Variants in RBM44 observed in about 807,000 individuals in gnomAD.
RBM44 encodes RNA binding motif protein 44.
A neutral mutation model predicts 105.1 loss-of-function variants in RBM44; 66 were observed. The observed-to-expected ratio is 0.63, with a 90% CI of 0.52 to 0.77. RBM44 has a LOEUF of 0.77. Ranked by LOEUF, RBM44 falls within the 30% of genes least tolerant of loss-of-function variation. RBM44 has a pLI of 0.00. For synonymous variants in RBM44, 365 were observed against 417.6 expected, an observed-to-expected ratio of 0.87 and a Z score of 1.54; for missense variants, 1,122 against 1,207.8, an observed-to-expected ratio of 0.93 and a Z score of 1.05.
Position 237,817,268 on chromosome 2 carries a change from T to A in RBM44, c.349T>A (p.Ser117Thr), listed in dbSNP as rs769322316. Residue 117 changes from serine (S) to threonine (T), a missense_variant, in exon 3 of 16, where the codon TCA (serine) becomes ACA (threonine). Ser to Thr is a moderately conservative substitution (Grantham distance 58). This residue lies in a region of RBM44 where 918 missense variants were observed against 955.3 expected (regional missense o/e 0.96). Transcript: ENST00000316997. Reference protein sequence around the residue: ...FLNKTYSIPYSESKLKKESLT... With the variant: ...FLNKTYSIPYTESKLKKESLT... Reference sequence around the variant, plus strand: ...GAATAAAACATATTCTATACCTTATTCAGAGTCAAAACTAAAGAAGGAAAG... The same window carrying A: ...GAATAAAACATATTCTATACCTTATACAGAGTCAAAACTAAAGAAGGAAAG... 1 of 1,608,346 alleles carries A rather than the reference T, an allele frequency of 6.2e-7. No individual in the cohort carries two copies. Among genetic ancestry groups the A allele is most frequent in the African/African-American group, 1.3e-5 (1 of 74,564 alleles).
At chr2:237,811,380 C>T (rs1173389498) in intron 1 of RBM44, among the ~76,000 whole-genome samples, 2 of 152,104 alleles carry the variant, frequency 1.3e-5, no homozygotes, top group Non-Finnish European at 2.9e-5. Context: ...GTGATCGTCT[C>T]ACCCCAACCT....
At chr2:237,815,293 A>G (rs984129527) in intron 2 of RBM44, among the ~76,000 whole-genome samples, 3 of 152,198 alleles carry the variant, frequency 2.0e-5, no homozygotes, top group Non-Finnish European at 4.4e-5. Flanking sequence ...CATATTTATA[A>G]CAGCTTACTG....
Position 237,817,031 on chromosome 2 carries a change from T to C in RBM44, c.112T>C (p.Ser38Pro). 1 of 1,557,842 alleles carries C rather than the reference T, an allele frequency of 6.4e-7. No individual in the cohort carries two copies. Among genetic ancestry groups the C allele is most frequent in the South Asian group, 1.2e-5 (1 of 82,170 alleles). ...TCCAAAGAAAGAAAATTTGTTATTA[T>C]CCTCCAATGGTTGTGATGAAGTCAA... ...SNPKKENLLL[S>P]SNGCDEVKLT... The change falls in exon 3 of 16, where the codon TCC becomes CCC. Residue 38 changes from serine (S) to proline (P), a missense_variant. This residue lies in a region of RBM44 where 918 missense variants were observed against 955.3 expected (regional missense o/e 0.96). Transcript: ENST00000316997.
rs2061569982 is a variant in RBM44, at chr2:237,803,691, C to G, written c.-19+4830C>G. ...CTTTTGTGTTCTAAGAAATCTTTGC[C>G]TATTCCAAAGTCATGAATATATTGT... is the stretch of plus-strand genomic sequence containing the variant. On this transcript the variant is annotated intron_variant, in intron 1 of 15. Transcript: ENST00000316997. This position sits in a 1 kb window ranked among gnomAD's most constrained non-coding sequence, Gnocchi z 4.2. Among the ~76,000 whole-genome samples the G allele has an allele frequency of 6.6e-6, 1 of 152,044 alleles. No homozygotes were observed. The highest frequency in any genetic ancestry group is 2.4e-5 in the African/African-American group (1 of 41,390).
At chr2:237,814,119 C>T (rs2061687155) in intron 2 of RBM44, among the ~76,000 whole-genome samples, 1 of 152,050 alleles carries the variant, frequency 6.6e-6, no homozygotes, top group Non-Finnish European at 1.5e-5. Context: ...ACTTTATGTG[C>T]TTATGACTGT....
At chr2:237,820,148 A>C in intron 4 of RBM44, 27 bp from the exon 5 acceptor site, 1 of 1,362,468 alleles carries the variant, frequency 7.3e-7, no homozygotes, top group Non-Finnish European at 9.9e-7. Context: ...TTGGAATCTT[A>C]CCTGATCCTA....
intron 1 of RBM44, among the ~76,000 whole-genome samples, chr2:237,810,166 C>T (rs903861760): frequency 2.6e-5 from 4 of 152,186 alleles, no homozygotes; most frequent in African/African-American, 9.6e-5. Flanking sequence ...ATGTGTTTTA[C>T]ACCTACAGAA....
In RBM44 at chr2:237,817,107, C is replaced by T. The variant is rs772699386; in HGVS notation, c.188C>T (p.Ala63Val). The T allele has an allele frequency of 6.1e-5, 98 of 1,608,290 alleles. 1 individual carries two copies. In the South Asian group the frequency reaches 1.0e-3, roughly 17 times the overall value. Residue 63 changes from alanine (A) to valine (V), a missense_variant, in exon 3 of 16, where the codon GCT becomes GTT. Around this residue, in one of 3 missense-constraint regions of RBM44, gnomAD observed 918 missense variants for 955.3 expected, o/e 0.96. Transcript: ENST00000316997. Reference sequence around the variant, plus strand: ...AATTCTTCGACACTAGAGCAAAGAGCTAATAATAAAGAAATCAGCAATATT... The same window carrying T: ...AATTCTTCGACACTAGAGCAAAGAGTTAATAATAAAGAAATCAGCAATATT... ...DWNSSTLEQR[A>V]NNKEISNIDK...
intron 15 of RBM44, among the ~76,000 whole-genome samples, chr2:237,840,732 AT>A (rs1361135728): frequency 2.6e-5 from 4 of 152,192 alleles, no homozygotes; most frequent in South Asian, 2.1e-4. Context: ...CAAGAAAAAA[AT>A]AACCCCATTA....
At chr2:237,835,779 T>C (rs558726813) in intron 15 of RBM44, among the ~76,000 whole-genome samples, 21 of 145,614 alleles carry the variant, frequency 1.4e-4, no homozygotes, top group Middle Eastern at 3.6e-3. Flanking sequence ...TTTTTTTTTT[T>C]CCTGAGATTT....
chr2:237,821,851 A>C (rs901603408), intron 8 of RBM44, 24 bp downstream of exon 8: 2 of 1,458,426 alleles, frequency 1.4e-6, no homozygotes, highest in Non-Finnish European at 1.9e-6. Context: ...AAAGTTCATC[A>C]ATGCAAATCT....
intron 15 of RBM44, among the ~76,000 whole-genome samples, chr2:237,839,174 T>C (rs1349344665): frequency 1.3e-5 from 2 of 152,214 alleles, no homozygotes; most frequent in African/African-American, 2.4e-5. Flanking sequence ...TTTTTCTACA[T>C]ATGTGCCAGT....
intron 2 of RBM44, among the ~76,000 whole-genome samples, chr2:237,815,349 A>C (rs556147801): frequency 6.6e-6 from 1 of 152,102 alleles, no homozygotes; most frequent in African/African-American, 2.4e-5. Context: ...CTCAAACTCT[A>C]CTTGCCCAGA....
chr2:237,814,970 GAC>G (rs2061699935), intron 2 of RBM44, among the ~76,000 whole-genome samples: 1 of 148,678 alleles, frequency 6.7e-6, no homozygotes, highest in East Asian at 2.0e-4. Context: ...GAAGACCAAA[GAC>G]ACAAAACCTA....
At chr2:237,829,913 A>G (rs1009968601) in intron 13 of RBM44, among the ~76,000 whole-genome samples, 15 of 152,292 alleles carry the variant, frequency 9.8e-5, no homozygotes, top group African/African-American at 3.4e-4. Context: ...CCCTGTGAAA[A>G]GTGGTAAAGT....
intron 13 of RBM44, among the ~76,000 whole-genome samples, chr2:237,833,220 G>A (rs2061920070): frequency 6.6e-6 from 1 of 152,154 alleles, no homozygotes. Flanking sequence ...AGGGAGATAA[G>A]GCAATAAACA....
At chr2:237,802,874 G>A (rs918202764) in intron 1 of RBM44, among the ~76,000 whole-genome samples, 19 of 152,280 alleles carry the variant, frequency 1.2e-4, no homozygotes, top group African/African-American at 3.1e-4. Context: ...GAAATTGCCC[G>A]GTTTCCAAAT....
intron 1 of RBM44, among the ~76,000 whole-genome samples, chr2:237,802,146 ACT>A (rs2061551928): frequency 6.6e-6 from 1 of 152,260 alleles, no homozygotes; most frequent in Middle Eastern, 3.4e-3. Flanking sequence ...AGGTTAAGTA[ACT>A]CTCTGAAAAG....
intron 12 of RBM44, among the ~76,000 whole-genome samples, chr2:237,828,058 T>C (rs987954263): frequency 2.0e-5 from 3 of 152,194 alleles, no homozygotes; most frequent in Admixed American, 1.3e-4. Context: ...CTGATTTCAG[T>C]TACTTTTTAG....
Sources: allele counts gnomAD v4.1 joint callset (sites outside exome capture counted in the v4.1 genomes callset), GRCh38; gene constraint gnomAD v4.1.1; regional missense constraint gnomAD v4.1.1; non-coding constraint Gnocchi (gnomAD v3.1); transcripts MANE v1.5; gene names NCBI Gene and HGNC (gene_info 2026-07-23, HGNC 2026-07-21).